CNTN1: variants seen among roughly 807,000 people sequenced by gnomAD.
CNTN1 encodes the protein contactin 1.
Under a neutral mutation model 126.4 loss-of-function variants are expected in CNTN1, and 38 were observed. That is an observed-to-expected ratio of 0.30 (90% confidence interval 0.23 to 0.39). The LOEUF (loss-of-function observed/expected upper bound fraction) is 0.39, where lower values mean the gene tolerates loss of function less well. Ranked by LOEUF, CNTN1 falls within the 10% of genes least tolerant of loss-of-function variation. The probability of loss-of-function intolerance (pLI) is 1.00; values close to 1 mark genes in which losing one functional copy is unlikely to be tolerated. For synonymous variants in CNTN1, 413 were observed against 422.6 expected (o/e 0.98, Z 0.28); for missense variants, 1,009 against 1,248.4 (o/e 0.81, Z 2.89).
At chr12:41,043,381 C>A (rs1425815382) in intron 23 of CNTN1, among the ~76,000 whole-genome samples, 1 of 151,926 alleles carries the variant, frequency 6.6e-6, no homozygotes, top group East Asian at 1.9e-4. Flanking sequence ...ATTTATGCAG[C>A]CAAAAAACAT....
chr12:40,944,526 T>G (rs1946371065), intron 14 of CNTN1, among the ~76,000 whole-genome samples: 1 of 152,034 alleles, frequency 6.6e-6, no homozygotes, highest in South Asian at 2.1e-4. Context: ...ACTTAATCTT[T>G]GTTATAATGA....
chr12:40,703,277 T>C (rs1272921898), intron 1 of CNTN1, among the ~76,000 whole-genome samples: 1 of 152,174 alleles, frequency 6.6e-6, no homozygotes, highest in Non-Finnish European at 1.5e-5. Flanking sequence ...TATTTCCCTA[T>C]AGACTAAATT....
rs398019220 is a variant in CNTN1 at position 40,999,697 on chromosome 12, C to CTTT, written c.2113+6449_2113+6451dup. On this transcript the variant is annotated intron_variant, in intron 17 of 23. Coordinates refer to ENST00000551295, the MANE Select transcript of CNTN1 (RefSeq NM_001843.4). ...GAGAAGCAGTTACTGTTCTTCTGTG[C>CTTT]TTTTTTTTTTTTTTTTTTTTTTTGA... Among the ~76,000 whole-genome samples, 269 of 86,652 alleles carry CTTT rather than the reference C, an allele frequency of 3.1e-3. 4 individuals are homozygous for CTTT. Among genetic ancestry groups the CTTT allele is most frequent in the East Asian group, 7.2e-3 (22 of 3,074 alleles). 56.8% of individuals were successfully genotyped at this position (86,652 alleles called of 152,430 possible).
chr12:41,019,761 A>G (rs1948865117), intron 19 of CNTN1, among the ~76,000 whole-genome samples: 1 of 152,194 alleles, frequency 6.6e-6, no homozygotes, highest in Admixed American at 6.5e-5. Flanking sequence ...AGGCTCTTAA[A>G]AATTTTTTTT....
chr12:40,900,948 G>A (rs1944580402), intron 1 of CNTN1, among the ~76,000 whole-genome samples: 1 of 152,202 alleles, frequency 6.6e-6, no homozygotes, highest in Admixed American at 6.5e-5. Context: ...TTTACATGAA[G>A]AATCTGTGTA....
chr12:40,835,291 A>G (rs1942006863), intron 1 of CNTN1, among the ~76,000 whole-genome samples: 1 of 152,126 alleles, frequency 6.6e-6, no homozygotes, highest in Admixed American at 6.5e-5. Flanking sequence ...GCAGTTTTGC[A>G]CTTTTTAAAT....
chr12:40,718,746 TTA>T (rs1036248337), intron 1 of CNTN1, among the ~76,000 whole-genome samples: 4 of 152,136 alleles, frequency 2.6e-5, no homozygotes, highest in Non-Finnish European at 5.9e-5. Context: ...GGTTACAAGT[TTA>T]GAGTCAATAA....
In CNTN1 at chr12:40,943,658, A is replaced by G; in HGVS notation, c.1441A>G (p.Ile481Val). The G allele has an allele frequency of 6.2e-7, 1 of 1,608,074 alleles. No individual in the cohort carries two copies. Among genetic ancestry groups the G allele is most frequent in the Non-Finnish European group, 8.5e-7 (1 of 1,174,792 alleles). ...CAACATTACAAGGAATGATGGAGGT[A>G]TCTATACATGCTTTGCAGAAAATAA... ...INNITRNDGG[I>V]YTCFAENNRG... Residue 481 changes from isoleucine (I) to valine (V), a missense_variant, in exon 13 of 24, where the codon ATC (isoleucine) becomes GTC (valine). Coordinates refer to ENST00000551295, the MANE Select transcript of CNTN1 (RefSeq NM_001843.4).
In CNTN1 at chr12:40,749,634, AT is replaced by A. The variant is rs200512574; in HGVS notation, c.-77+57052del. 7.5e-3 allele frequency among the ~76,000 whole-genome samples: 731 copies of A among 98,084 alleles called. 126 individuals are homozygous for A. The highest frequency in any genetic ancestry group is 0.011 in the Admixed American group (108 of 9,704). The allele number at this position is 98,084 out of a possible 152,430, so 64.3% of individuals were successfully genotyped here. ...TTTGTTTTTTGTGTTTTGTTTTTTT[AT>A]TTTTTTTTTCATTTAATCCTTGAAA... On this transcript the variant is annotated intron_variant, in intron 1 of 23. Transcript: ENST00000551295.
At chr12:40,980,121 T>C (rs1460164337) in intron 15 of CNTN1, among the ~76,000 whole-genome samples, 1 of 152,152 alleles carries the variant, frequency 6.6e-6, no homozygotes, top group Non-Finnish European at 1.5e-5. Flanking sequence ...ATGAATTACC[T>C]ATAACATTTA....
chr12:40,719,057 T>G (rs1368908176), intron 1 of CNTN1, among the ~76,000 whole-genome samples: 1 of 152,196 alleles, frequency 6.6e-6, no homozygotes, highest in African/African-American at 2.4e-5. Flanking sequence ...TACCTGCATG[T>G]TATTACGGTT....
rs576969643 is a variant in CNTN1 at position 40,764,493 on chromosome 12, G to T, written c.-77+71901G>T. Reference sequence around the variant, plus strand: ...AGGCTCCTACTCTCCCACAGAGACTGGTAGATAAAGGTATTAATACTATCT... The same window carrying T: ...AGGCTCCTACTCTCCCACAGAGACTTGTAGATAAAGGTATTAATACTATCT... On this transcript the variant is annotated intron_variant, in intron 1 of 23. Transcript: ENST00000551295. 1.3e-4 allele frequency among the ~76,000 whole-genome samples: 20 copies of T among 152,222 alleles called. No individual in the cohort carries two copies. The East Asian group carries it at 3.7e-3, about 28-fold the overall frequency.
intron 1 of CNTN1, among the ~76,000 whole-genome samples, chr12:40,896,611 A>C (rs1311550346): frequency 2.6e-5 from 4 of 152,218 alleles, no homozygotes; most frequent in Admixed American, 6.5e-5. Context: ...TTGTCCATTA[A>C]GACATATCAG....
intron 9 of CNTN1, among the ~76,000 whole-genome samples, chr12:40,936,477 G>A: frequency 6.6e-6 from 1 of 152,032 alleles, no homozygotes; most frequent in Non-Finnish European, 1.5e-5. Context: ...AGACTTGAAA[G>A]GTTTATGTTA....
chr12:40,806,977 TG>T (rs1259583922), intron 1 of CNTN1, among the ~76,000 whole-genome samples: 1 of 152,130 alleles, frequency 6.6e-6, no homozygotes, highest in Non-Finnish European at 1.5e-5. Context: ...ACATCCTAAA[TG>T]AAGGCTAGTT....
intron 1 of CNTN1, among the ~76,000 whole-genome samples, chr12:40,832,119 G>C (rs1227542030): frequency 1.3e-5 from 2 of 152,136 alleles, no homozygotes; most frequent in Non-Finnish European, 2.9e-5. Flanking sequence ...GTTTAGACTT[G>C]ACTTAATAGG....
At chr12:40,719,926 C>G (rs533754006) in intron 1 of CNTN1, among the ~76,000 whole-genome samples, 14 of 152,226 alleles carry the variant, frequency 9.2e-5, no homozygotes, top group African/African-American at 3.4e-4. Context: ...CAAGCTCCGC[C>G]TCCTGGGTTC....
At chr12:41,045,579 G>A (rs1216045604) in intron 23 of CNTN1, among the ~76,000 whole-genome samples, 18 of 152,074 alleles carry the variant, frequency 1.2e-4, no homozygotes, top group Admixed American at 1.2e-3. Flanking sequence ...AAAGTGATAT[G>A]TCAACATATT....
chr12:40,840,825 A>T (rs535985212), intron 1 of CNTN1, among the ~76,000 whole-genome samples: 2 of 151,948 alleles, frequency 1.3e-5, no homozygotes, highest in Admixed American at 6.6e-5. Flanking sequence ...CAGCAAAAGC[A>T]ATGCAAAGAG....
Sources: allele counts gnomAD v4.1 joint callset (sites outside exome capture counted in the v4.1 genomes callset), GRCh38; gene constraint gnomAD v4.1.1; transcripts MANE v1.5; gene names NCBI Gene and HGNC (gene_info 2026-07-23, HGNC 2026-07-21).